Variants in SH3PXD2B observed in about 807,000 individuals in gnomAD.
SH3PXD2B encodes the protein SH3 and PX domain-containing protein 2B.
Under a neutral mutation model 73.1 loss-of-function variants are expected in SH3PXD2B, and 37 were observed. The ratio of observed to expected loss-of-function variants is 0.51; its 90% CI spans 0.39 to 0.67. The LOEUF is 0.67. Among genes scored for constraint, SH3PXD2B ranks in the 30% least tolerant of loss-of-function variants. SH3PXD2B has a pLI of 0.00. For missense variants in SH3PXD2B, 1,053 were observed against 1,197.8 expected (o/e 0.88, Z 1.78); for synonymous variants, 457 against 480.5 (o/e 0.95, Z 0.64).
chr5:172,440,169 A>G (rs1759522217), intron 1 of SH3PXD2B, among the ~76,000 whole-genome samples: 9 of 152,220 alleles, frequency 5.9e-5, no homozygotes, highest in Admixed American at 5.9e-4. Context: ...TCGTGTTGAC[A>G]GAGCTGTCCA....
chr5:172,351,697 A>C lies in SH3PXD2B; in HGVS notation c.786-1108T>G, dbSNP rs148654985. Among the ~76,000 whole-genome samples, 841 of 152,272 alleles carry C rather than the reference A, an allele frequency of 5.5e-3. 10 individuals carry two copies. Among genetic ancestry groups the C allele is most frequent in the African/African-American group, 0.019 (807 of 41,566 alleles). ...AAAACAGGTGGCCAGACCTTTGGGG[A>C]AAGTTGAACAGACCCAATGGCAGGG... On this transcript the variant is annotated intron_variant, in intron 9 of 12. Coordinates refer to ENST00000311601, the MANE Select transcript of SH3PXD2B (RefSeq NM_001017995.3).
At chr5:172,442,481 T>C (rs1344760078) in intron 1 of SH3PXD2B, among the ~76,000 whole-genome samples, 2 of 152,238 alleles carry the variant, frequency 1.3e-5, no homozygotes, top group Non-Finnish European at 2.9e-5. Context: ...ATCATTTATT[T>C]AATCATGCCT....
At chr5:172,436,524 G>A (rs1181037623) in intron 1 of SH3PXD2B, among the ~76,000 whole-genome samples, 4 of 152,222 alleles carry the variant, frequency 2.6e-5, no homozygotes, top group Non-Finnish European at 5.9e-5. Context: ...CATGAGGCCA[G>A]AGGGGAAAGG....
intron 3 of SH3PXD2B, among the ~76,000 whole-genome samples, chr5:172,397,454 C>T (rs569756476): frequency 2.2e-4 from 33 of 152,286 alleles, no homozygotes; most frequent in Middle Eastern, 6.8e-3. Context: ...ACACCCTATT[C>T]GTACACTCCC....
intron 1 of SH3PXD2B, among the ~76,000 whole-genome samples, chr5:172,452,548 G>T (rs1759819408): frequency 6.6e-6 from 1 of 152,166 alleles, no homozygotes; most frequent in Non-Finnish European, 1.5e-5. Context: ...ACCTCACTTT[G>T]CTGAGCCCTG....
chr5:172,389,035 G>C (rs1217186335), intron 4 of SH3PXD2B, among the ~76,000 whole-genome samples: 1 of 151,500 alleles, frequency 6.6e-6, no homozygotes, highest in African/African-American at 2.4e-5. Flanking sequence ...GAATATCTTG[G>C]CCTTTTGCAT....
intron 12 of SH3PXD2B, among the ~76,000 whole-genome samples, chr5:172,344,782 G>T (rs1339906016): frequency 6.6e-6 from 1 of 152,206 alleles, no homozygotes; most frequent in East Asian, 1.9e-4. Flanking sequence ...AGTGAAACAT[G>T]AAGATACTTC....
intron 1 of SH3PXD2B, among the ~76,000 whole-genome samples, chr5:172,430,454 C>T (rs1448515795): frequency 6.6e-6 from 1 of 152,222 alleles, no homozygotes; most frequent in African/African-American, 2.4e-5. Context: ...GGCTTTGTCC[C>T]TCCCCATGGG....
chr5:172,359,387 C>CAAAAAAAAAAAAAAAAAAA (rs70982393), intron 7 of SH3PXD2B, among the ~76,000 whole-genome samples: 4 of 84,088 alleles, frequency 4.8e-5, no homozygotes, highest in African/African-American at 1.9e-4. Flanking sequence ...ACCCCCATCT[C>CAAAAAAAAAAAAAAAAAAA]AAAAAAAAAA....
intron 8 of SH3PXD2B, among the ~76,000 whole-genome samples, chr5:172,355,699 C>T (rs1179155884): frequency 6.6e-6 from 1 of 152,074 alleles, no homozygotes; most frequent in African/African-American, 2.4e-5. Flanking sequence ...TGCCCGCCAC[C>T]ACGCCCGGCT....
At chr5:172,389,994 A>G (rs1212567086) in intron 4 of SH3PXD2B, among the ~76,000 whole-genome samples, 1 of 152,206 alleles carries the variant, frequency 6.6e-6, no homozygotes, top group Non-Finnish European at 1.5e-5. Context: ...CTGGGATTAC[A>G]GGCATGAGCC....
intron 4 of SH3PXD2B, among the ~76,000 whole-genome samples, chr5:172,383,395 G>A (rs1757990079): frequency 6.6e-6 from 1 of 152,190 alleles, no homozygotes; most frequent in South Asian, 2.1e-4. Context: ...ATGATTCAAT[G>A]AGCAAAAATT....
At chr5:172,342,404 C>T (rs376043912) in intron 12 of SH3PXD2B, among the ~76,000 whole-genome samples, 162 of 152,190 alleles carry the variant, frequency 1.1e-3, no homozygotes, top group African/African-American at 3.8e-3. Flanking sequence ...GAAGGGCCGT[C>T]GATCGGAGGA....
Position 172,333,641 on chromosome 5 carries a change from T to C in SH3PXD2B, c.*4728A>G, listed in dbSNP as rs1756617508. 6 of 1,289,060 alleles carry C rather than the reference T, an allele frequency of 4.7e-6. No individual in the cohort carries two copies. The South Asian group carries it at 7.4e-5, about 16-fold the overall frequency. 79.9% of individuals were successfully genotyped at this position (1,289,060 alleles called of 1,614,324 possible). On this transcript the variant is annotated 3_prime_UTR_variant, in exon 13 of 13. Transcript: ENST00000311601. ...TCCCCTCACATCCTATATACTCATT[T>C]ATTTAATGTGTTAAAGGAAACAAAA...
intron 1 of SH3PXD2B, among the ~76,000 whole-genome samples, chr5:172,443,328 C>T (rs551813768): frequency 6.6e-6 from 1 of 152,310 alleles, no homozygotes; most frequent in Admixed American, 6.5e-5. Context: ...GAAGGCAATG[C>T]TAAATTTCAG....
chr5:172,344,980 A>G, intron 12 of SH3PXD2B, among the ~76,000 whole-genome samples: 1 of 149,464 alleles, frequency 6.7e-6, no homozygotes, highest in African/African-American at 2.5e-5. Context: ...GGAGAGAAAG[A>G]AAGAAGGAGG....
At chr5:172,366,326 C>T (rs1302393919) in intron 6 of SH3PXD2B, among the ~76,000 whole-genome samples, 1 of 152,188 alleles carries the variant, frequency 6.6e-6, no homozygotes, top group Non-Finnish European at 1.5e-5. Context: ...GGTCTCTGTC[C>T]TGCCCCTCCA....
At chr5:172,447,821 G>A (rs1759707482) in intron 1 of SH3PXD2B, among the ~76,000 whole-genome samples, 1 of 152,178 alleles carries the variant, frequency 6.6e-6, no homozygotes, top group South Asian at 2.1e-4. Flanking sequence ...AGAGCAGGCT[G>A]GGACTTCTCC....
At chr5:172,382,265 G>A (rs1445252526) in intron 4 of SH3PXD2B, 138 bp from the exon 5 acceptor site, 3 of 645,642 alleles carry the variant, frequency 4.6e-6, no homozygotes, top group Non-Finnish European at 8.1e-6. Flanking sequence ...GCAGTGAGCT[G>A]AGATCGCGCC....
Sources: gnomAD v4.1 joint callset for allele counts (sites outside exome capture counted in the v4.1 genomes callset) on GRCh38, gnomAD v4.1.1 for gene constraint, MANE v1.5 for transcripts, NCBI Gene and HGNC (gene_info 2026-07-23, HGNC 2026-07-21) for gene names.